The following PLEKHA4 variants were observed in gnomAD, a reference collection of about 807,000 sequenced individuals.
PLEKHA4 encodes pleckstrin homology domain containing A4.
A neutral mutation model predicts 94.7 loss-of-function variants in PLEKHA4; 73 were observed. The ratio of observed to expected loss-of-function variants is 0.77; its 90% CI spans 0.64 to 0.94. The LOEUF is 0.94. PLEKHA4 is among the 40% of genes least tolerant of loss of function. The pLI is 0.00. For missense variants in PLEKHA4, 1,049 were observed against 1,054.1 expected (o/e 1.00, Z 0.07); for synonymous variants, 449 against 437.1 (o/e 1.03, Z -0.34).
intron 6 of PLEKHA4, chr19:48,860,055 A>C (rs544815434): frequency 1.8e-6 from 1 of 563,200 alleles, no homozygotes; most frequent in East Asian, 3.0e-5. Flanking sequence ...AGGGGACTTC[A>C]GAAGGAGCCA....
rs757489084 is a variant in PLEKHA4, at chr19:48,845,555, G to C, written c.1628C>G (p.Pro543Arg). The stretch of plus-strand genomic sequence containing the variant: ...GGCGAGGTCTTTGTCGCCTCCAGGA[G>C]GCCGCCCCCAGTCAGTCTCGGGGGA... ...PRSPETDWGR[P>R]PGGDKDLASP... The change falls in exon 15 of 20, where the codon CCT becomes CGT. Residue 543 changes from proline to arginine, a missense_variant. Pro to Arg is a moderately radical substitution (Grantham distance 103). Coordinates refer to ENST00000263265, the MANE Select transcript of PLEKHA4 (RefSeq NM_020904.3). 4 of 1,611,306 alleles carry C rather than the reference G, an allele frequency of 2.5e-6. No homozygotes were observed. The African/African-American group carries it at 5.3e-5, about 22-fold the overall frequency.
chr19:48,855,706 T>C (rs1329014273), intron 9 of PLEKHA4, among the ~76,000 whole-genome samples: 1 of 151,958 alleles, frequency 6.6e-6, no homozygotes, highest in Non-Finnish European at 1.5e-5. Flanking sequence ...GGAGTATCGC[T>C]TGGGCCCAGG....
chr19:48,861,655 A>G lies in PLEKHA4; in HGVS notation c.230T>C (p.Phe77Ser), dbSNP rs773899482. 1 of 1,614,240 alleles carries G rather than the reference A, an allele frequency of 6.2e-7. No individual in the cohort carries two copies. Among genetic ancestry groups the G allele is most frequent in the East Asian group, 2.2e-5 (1 of 44,884 alleles). The change falls in exon 4 of 20, where the codon TTC (phenylalanine) becomes TCC (serine). Residue 77 changes from phenylalanine to serine, a missense_variant. By Grantham distance (155) the Phe-to-Ser change is radical. Coordinates refer to ENST00000263265, the MANE Select transcript of PLEKHA4 (RefSeq NM_020904.3). Reference sequence around the variant, plus strand: ...AAAGAGGCAATGGCCGGAGAGGACGAACCAGCGGCGTTTCCAGAGACGGAG... The same window carrying G: ...AAAGAGGCAATGGCCGGAGAGGACGGACCAGCGGCGTTTCCAGAGACGGAG... ...SGLRLWKRRW[F>S]VLSGHCLFYY...
intron 5 of PLEKHA4, 136 bp downstream of exon 5, chr19:48,861,265 C>T (rs117249193): frequency 9.3e-5 from 74 of 791,484 alleles, no homozygotes; most frequent in East Asian, 9.2e-4. Flanking sequence ...ATGCAATTGA[C>T]GCTTGTCAAG....
intron 16 of PLEKHA4, among the ~76,000 whole-genome samples, chr19:48,842,585 C>A (rs1411024767): frequency 6.6e-6 from 1 of 152,216 alleles, no homozygotes; most frequent in African/African-American, 2.4e-5. Flanking sequence ...AGTCTGCCTG[C>A]TTTGTATACC....
intron 18 of PLEKHA4, 46 bp from the exon 19 acceptor site, chr19:48,838,175 A>T: frequency 7.0e-6 from 6 of 855,252 alleles, no homozygotes; most frequent in Non-Finnish European, 9.5e-6. Context: ...TACATGGGGG[A>T]GAGGTGGGGG....
rs199786338 is a variant in PLEKHA4 at position 48,854,263 on chromosome 19, G to A, written c.1049C>T (p.Pro350Leu). ...GAAAGTTGACTCCAGGGGAGGACCC[G>A]GCTGAAGAGAAGGAAAAAAGTCAGG... ...PGTRASMVLL[P>L]GPPLESTFHQ... The change falls in exon 10 of 20, where the codon CCG (proline) becomes CTG (leucine). Residue 350 changes from proline to leucine, a missense_variant and splice_region_variant. By Grantham distance (98) the Pro-to-Leu change is moderately conservative. Transcript: ENST00000263265. 27 of 1,613,910 alleles carry A rather than the reference G, an allele frequency of 1.7e-5. No homozygotes were observed. The highest frequency in any genetic ancestry group is 4.0e-5 in the African/African-American group (3 of 74,914).
intron 3 of PLEKHA4, among the ~76,000 whole-genome samples, chr19:48,862,269 C>T (rs1389847516): frequency 4.8e-5 from 7 of 145,662 alleles, no homozygotes; most frequent in Admixed American, 1.4e-4. Context: ...GGCATGATCT[C>T]GGCTCACGGC....
chr19:48,857,567 C>T, intron 8 of PLEKHA4, 71 bp from the exon 9 acceptor site: 1 of 875,142 alleles, frequency 1.1e-6, no homozygotes, highest in Non-Finnish European at 1.8e-6. Context: ...TTGTTCTGTA[C>T]TAAGAAAAAT....
At chr19:48,840,189 A>G (rs2035707134) in intron 17 of PLEKHA4, among the ~76,000 whole-genome samples, 1 of 151,956 alleles carries the variant, frequency 6.6e-6, no homozygotes, top group Non-Finnish European at 1.5e-5. Context: ...CCAAGGCAGG[A>G]GGATCACTTG....
At chr19:48,846,513 TC>T (rs752000355) in intron 14 of PLEKHA4, among the ~76,000 whole-genome samples, 2 of 151,848 alleles carry the variant, frequency 1.3e-5, no homozygotes, top group East Asian at 3.9e-4. Flanking sequence ...ACGTCTGTAA[TC>T]CCAGCATTTT....
rs754981720 is a variant in PLEKHA4, at chr19:48,837,461, G to T, written c.2168C>A (p.Ser723Tyr). ...GGAACCCGAATTAGCCACCGGGGGA[G>T]ATCTGGGGGGAGGGGTCTCCTGGCG... ...PTRQETPPPRSPPVANSGSTG... is the reference protein window; with the variant it reads ...PTRQETPPPRYPPVANSGSTG... Residue 723 changes from serine to tyrosine, a missense_variant, in exon 20 of 20, where the codon TCT (serine) becomes TAT (tyrosine). Transcript: ENST00000263265. The surrounding 1 kb of genome is among the most constrained non-coding windows in gnomAD (Gnocchi z 4.3). The T allele has an allele frequency of 1.4e-5, 22 of 1,613,206 alleles. No individual in the cohort carries two copies. Among genetic ancestry groups the T allele is most frequent in the Non-Finnish European group, 1.6e-5 (19 of 1,179,720 alleles).
chr19:48,845,482 A>G (rs1475472645), intron 15 of PLEKHA4, 35 bp downstream of exon 15: 1 of 1,613,538 alleles, frequency 6.2e-7, no homozygotes, highest in African/African-American at 1.3e-5. Flanking sequence ...GAGGACGGGA[A>G]TTTCCGTAAA....
rs779140174 is a variant in PLEKHA4 at position 48,865,532 on chromosome 19, C to T, written c.163G>A (p.Val55Met). The stretch of plus-strand genomic sequence containing the variant: ...TTATGAAGCCAGCCTCGGATGTGCA[C>T]GGGAAGGTTGGGATCCCTCCTGAGC... ...NALRRDPNLP[V>M]HIRGWLHKQD... Residue 55 changes from valine (V) to methionine (M), a missense_variant, in exon 3 of 20, where the codon GTG (valine) becomes ATG (methionine). Val to Met is a conservative substitution (Grantham distance 21). Transcript: ENST00000263265. 8 of 1,613,820 alleles carry T rather than the reference C, an allele frequency of 5.0e-6. No individual in the cohort carries two copies. Among genetic ancestry groups the T allele is most frequent in the African/African-American group, 1.3e-5 (1 of 74,854 alleles).
chr19:48,844,123 TTATTATTATTA>T (rs1568536133), intron 16 of PLEKHA4, among the ~76,000 whole-genome samples: 447 of 16,808 alleles, frequency 0.027, no homozygotes, highest in Middle Eastern at 0.071. Context: ...ATTTATTTTA[TTATTATTATTA>T]TTATTATTAT....
intron 9 of PLEKHA4, among the ~76,000 whole-genome samples, chr19:48,856,798 C>G (rs1467584288): frequency 2.2e-5 from 3 of 138,590 alleles, no homozygotes; most frequent in African/African-American, 8.2e-5. Context: ...ATTCAGGAGG[C>G]TGAGGCAGGA....
intron 3 of PLEKHA4, 45 bp from the exon 4 acceptor site, chr19:48,861,737 A>T (rs1211443239): frequency 3.9e-6 from 6 of 1,538,610 alleles, no homozygotes; most frequent in Non-Finnish European, 5.4e-6. Flanking sequence ...AGGGAAACAG[A>T]AAAAGGGGAT....
chr19:48,858,612 G>A (rs1182508371), intron 8 of PLEKHA4, among the ~76,000 whole-genome samples: 1 of 95,282 alleles, frequency 1.0e-5, no homozygotes, highest in Non-Finnish European at 1.8e-5. Flanking sequence ...TGGCGACAGA[G>A]CAAGACCTCA....
Position 48,847,951 on chromosome 19 carries a change from C to T in PLEKHA4, c.1515G>A (p.Glu505=). 1 of 1,610,228 alleles carries T rather than the reference C, an allele frequency of 6.2e-7. No individual in the cohort carries two copies. ...GGPQKPPPHT[E]PDSPSPVLQG... is the part of the protein sequence containing the mutation. ...GGAGCACGGGAGATGGGGAGTCAGG[C>T]TCAGTGTGTGGGGGCGGTTTCTGGG... The change falls in exon 14 of 20, where the codon GAG becomes GAA. Residue 505 remains glutamate (E), a synonymous_variant. Transcript: ENST00000263265.
Sources: allele counts gnomAD v4.1 joint callset (sites outside exome capture counted in the v4.1 genomes callset), GRCh38; gene constraint gnomAD v4.1.1; non-coding constraint Gnocchi (gnomAD v3.1); transcripts MANE v1.5; gene names NCBI Gene and HGNC (gene_info 2026-07-23, HGNC 2026-07-21).